Variants in SZT2 observed in about 807,000 individuals in gnomAD.
SZT2 encodes SZT2 subunit of KICSTOR complex.
A neutral mutation model predicts 404.2 loss-of-function variants in SZT2; 216 were observed. The ratio of observed to expected loss-of-function variants is 0.53; its 90% confidence interval spans 0.48 to 0.60. The LOEUF (loss-of-function observed/expected upper bound fraction) is 0.60. SZT2 is among the 20% of genes least tolerant of loss of function. The probability of loss-of-function intolerance (pLI) is 0.00; values close to 1 mark genes in which losing one functional copy is unlikely to be tolerated. For synonymous variants in SZT2, 1,693 were observed against 1,749.9 expected (o/e 0.97, Z 0.81); for missense variants, 3,857 against 4,459.2 (o/e 0.86, Z 3.85).
chr1:43,437,812 A>G lies in SZT2; in HGVS notation c.6418A>G (p.Met2140Val), dbSNP rs778529188. ...GTAGGGTCCTCGTTCTCCCTTAGAC[A>G]TGGTCTCTAGCCGCAGTTCAGATGC... is the stretch of plus-strand genomic sequence containing the variant. ...EASGPRSPLD[M>V]VSSRSSDAAR... Residue 2140 changes from methionine (M) to valine (V), a missense_variant, in exon 46 of 72, where the codon ATG (methionine) becomes GTG (valine). Met to Val is a conservative substitution (Grantham distance 21, BLOSUM62 1). Transcript: ENST00000634258. This position sits in a 1 kb window ranked among gnomAD's most constrained non-coding sequence, Gnocchi z 5.3. The G allele has an allele frequency of 1.2e-5, 19 of 1,613,944 alleles. No homozygotes were observed. The highest frequency in any genetic ancestry group is 2.2e-5 in the East Asian group (1 of 44,886).
intron 28 of SZT2, 134 bp downstream of exon 28, chr1:43,428,620 G>T: frequency 3.9e-6 from 5 of 1,286,856 alleles, no homozygotes; most frequent in Non-Finnish European, 5.2e-6. Context: ...CTTTGTCGCC[G>T]GCTCACGGAC....
rs147519875 is a variant in SZT2 at position 43,404,420 on chromosome 1, A to G, written c.368A>G (p.His123Arg). ...GAGATCTTGTTTGATGAAGTTTTCC[A>G]TGCCCTGTCCCGCTGCTTAGGCGGG... ...TGEILFDEVF[H>R]ALSRCLGGLL... Residue 123 changes from histidine (H) to arginine (R), a missense_variant, in exon 4 of 72, where the codon CAT becomes CGT. His to Arg is a conservative substitution (Grantham distance 29). Around this residue, in one of 7 missense-constraint regions of SZT2, gnomAD observed 536 missense variants for 637.4 expected, o/e 0.84. Coordinates refer to ENST00000634258, the MANE Select transcript of SZT2 (RefSeq NM_001365999.1). 3.4e-4 allele frequency: 542 copies of G among 1,613,818 alleles called. No homozygotes were observed. Among genetic ancestry groups the G allele is most frequent in the Non-Finnish European group, 4.1e-4 (480 of 1,179,958 alleles).
In SZT2 at chr1:43,431,455, A is replaced by G. The variant is rs1653866508; in HGVS notation, c.5025-5A>G. The G allele has an allele frequency of 9.9e-6, 16 of 1,613,978 alleles. No homozygotes were observed. Among genetic ancestry groups the G allele is most frequent in the African/African-American group, 1.3e-5 (1 of 74,882 alleles). ...AACCAATATCTAAACCTTTCTTCCA[A>G]TTAGGCACCCAGGACTATCCAATTT... On this transcript the variant is annotated splice_region_variant and splice_polypyrimidine_tract_variant and intron_variant, in intron 34 of 71. Coordinates refer to ENST00000634258, the MANE Select transcript of SZT2 (RefSeq NM_001365999.1).
At chr1:43,394,536 A>G (rs530068570) in intron 1 of SZT2, among the ~76,000 whole-genome samples, 1 of 152,374 alleles carries the variant, frequency 6.6e-6, no homozygotes, top group Admixed American at 6.5e-5. Context: ...TCTAGTTATG[A>G]TAAATTACAT....
chr1:43,432,714 C>T lies in SZT2; in HGVS notation c.5531-14C>T, dbSNP rs775936651. The T allele has an allele frequency of 1.9e-6, 3 of 1,613,900 alleles. No homozygotes were observed. Among genetic ancestry groups the T allele is most frequent in the Non-Finnish European group, 2.5e-6 (3 of 1,179,892 alleles). On this transcript the variant is annotated splice_polypyrimidine_tract_variant and intron_variant, in intron 38 of 71. Coordinates refer to ENST00000634258, the MANE Select transcript of SZT2 (RefSeq NM_001365999.1). ...GATTGAGAGAGGCTCCAGGCATTTTCCTTCTCTATCCAGGGAGTCAGCCTG... is the reference window on the plus strand; with the variant it reads ...GATTGAGAGAGGCTCCAGGCATTTTTCTTCTCTATCCAGGGAGTCAGCCTG...
chr1:43,426,294 AGCTGGT>A lies in SZT2; in HGVS notation c.3044-73_3044-68del, dbSNP rs1653135706. On this transcript the variant is annotated intron_variant, in intron 21 of 71. Coordinates refer to ENST00000634258, the MANE Select transcript of SZT2 (RefSeq NM_001365999.1). This position sits in a 1 kb window ranked among gnomAD's most constrained non-coding sequence, Gnocchi z 4.9. ...AGCCCATGAGGCTGAAGGAGGGGCC[AGCTGGT>A]CAGGGCTGAGCCGGGGGCACCGGGC... The A allele has an allele frequency of 3.3e-6, 5 of 1,502,284 alleles. No homozygotes were observed. In the Admixed American group the frequency reaches 1.0e-4, roughly 31 times the overall value. The allele number at this position is 1,502,284 out of a possible 1,614,324, so 93.1% of individuals were successfully genotyped here. A position where few individuals can be genotyped will look rare whatever the true frequency, so the allele number is the denominator to read the frequency against.
chr1:43,447,368 C>T (rs1364264251), intron 66 of SZT2, among the ~76,000 whole-genome samples, 177 bp from the exon 67 acceptor site: 1 of 152,220 alleles, frequency 6.6e-6, no homozygotes, highest in Non-Finnish European at 1.5e-5. Context: ...TGTCCCCTGC[C>T]CTCTGAGTCA....
At position 43,404,517 on chromosome 1, in the gene SZT2, C is replaced by T; in HGVS notation, c.465C>T (p.Ala155=). The T allele has an allele frequency of 6.2e-7, 1 of 1,613,818 alleles. No individual in the cohort carries two copies. The highest frequency in any genetic ancestry group is 8.5e-7 in the Non-Finnish European group (1 of 1,179,944). ...FQPEIYVTIQ[A]YSSIIGLQSH... Reference sequence around the variant, plus strand: ...CTGAGATCTATGTAACTATCCAGGCCTACTCCTCCATCATTGGACTGCAGT... The same window carrying T: ...CTGAGATCTATGTAACTATCCAGGCTTACTCCTCCATCATTGGACTGCAGT... The change falls in exon 4 of 72, where the codon GCC becomes GCT. Residue 155 remains alanine, a synonymous_variant. Transcript: ENST00000634258.
Position 43,439,522 on chromosome 1 carries a change from C to G in SZT2, c.6877+80C>G, listed in dbSNP as rs908648655. The G allele has an allele frequency of 8.7e-6, 14 of 1,600,864 alleles. No homozygotes were observed. The African/African-American group carries it at 1.9e-4, about 21-fold the overall frequency. ...CATCCTATTGCTAAGAGGACATTTC[C>G]CAGGCTTGCAGCTGAGTGGAGGGTC... On this transcript the variant is annotated intron_variant, in intron 49 of 71. Coordinates refer to ENST00000634258, the MANE Select transcript of SZT2 (RefSeq NM_001365999.1). This position sits in a 1 kb window ranked among gnomAD's most constrained non-coding sequence, Gnocchi z 4.2.
At chr1:43,409,542 AT>A in intron 4 of SZT2, 1 of 354,124 alleles carries the variant, frequency 2.8e-6, no homozygotes, top group South Asian at 2.3e-5. Context: ...CCAAAAAACT[AT>A]TAGAACTGAT....
chr1:43,446,520 C>A, intron 65 of SZT2, 104 bp downstream of exon 65: 1 of 1,409,378 alleles, frequency 7.1e-7, no homozygotes, highest in South Asian at 1.2e-5. Flanking sequence ...AGTAGGCGGG[C>A]TGGCCCAGTG....
chr1:43,419,535 G>A (rs1037127625), intron 7 of SZT2, among the ~76,000 whole-genome samples, 199 bp from the exon 8 acceptor site: 7 of 152,188 alleles, frequency 4.6e-5, no homozygotes, highest in Admixed American at 2.0e-4. Context: ...TGCTGTGGCC[G>A]GTTAGCATGG....
chr1:43,391,673 A>T (rs202040082), intron 1 of SZT2, among the ~76,000 whole-genome samples: 1 of 152,246 alleles, frequency 6.6e-6, no homozygotes, highest in Non-Finnish European at 1.5e-5. Flanking sequence ...AGGTGGAGGG[A>T]TGTTGTGGGG....
intron 1 of SZT2, among the ~76,000 whole-genome samples, chr1:43,394,334 G>A (rs111748776): frequency 0.01 from 1,514 of 150,896 alleles, 12 homozygotes; most frequent in Non-Finnish European, 0.018. Flanking sequence ...TCAGCCTCCT[G>A]AGTAGCTGGG....
chr1:43,423,065 G>A (rs765782244), intron 14 of SZT2, 34 bp from the exon 15 acceptor site: 2 of 1,552,938 alleles, frequency 1.3e-6, no homozygotes, highest in South Asian at 2.3e-5. Flanking sequence ...GTAGGAGATG[G>A]GAGTAAGAGG....
Position 43,430,001 on chromosome 1 carries a change from C to A in SZT2, c.4309-10C>A. On this transcript the variant is annotated splice_polypyrimidine_tract_variant and intron_variant, in intron 29 of 71. Coordinates refer to ENST00000634258, the MANE Select transcript of SZT2 (RefSeq NM_001365999.1). ...CTGACATTCTAACCTCCTTCTAAAC[C>A]CCACAACAGGAGAAGTTCCTAGAGA... is the stretch of plus-strand genomic sequence containing the variant. 1 of 1,614,070 alleles carries A rather than the reference C, an allele frequency of 6.2e-7. No homozygotes were observed.
rs762273685 is a variant in SZT2 at position 43,431,706 on chromosome 1, C to G, written c.5089-10C>G. On this transcript the variant is annotated splice_polypyrimidine_tract_variant and intron_variant, in intron 35 of 71. Transcript: ENST00000634258. ...GGAGATGCCCTTTGTCACTTGCTGTCTAACTGTAGATCCGCTGGTTGTTGG... is the reference window on the plus strand; with the variant it reads ...GGAGATGCCCTTTGTCACTTGCTGTGTAACTGTAGATCCGCTGGTTGTTGG... The G allele has an allele frequency of 1.2e-5, 19 of 1,613,710 alleles. No individual in the cohort carries two copies. In the South Asian group the frequency reaches 2.1e-4, roughly 18 times the overall value.
In SZT2 at chr1:43,403,215, G is replaced by A; in HGVS notation, c.66G>A (p.Lys22=). The A allele has an allele frequency of 2.5e-6, 4 of 1,614,162 alleles. No homozygotes were observed. Among genetic ancestry groups the A allele is most frequent in the Middle Eastern group, 1.7e-4 (1 of 6,058 alleles). Residue 22 remains lysine, a synonymous_variant, in exon 2 of 72, where the codon AAG becomes AAA. Transcript: ENST00000634258. ...GGCAGGTGTTCCTGTTAATGAAAAA[G>A]GATTATCGAATCTCCCGAAATGTTC... ...EAGQVFLLMK[K]DYRISRNVRL...
In SZT2 at chr1:43,437,421, G is replaced by A. The variant is rs1365757686; in HGVS notation, c.6203G>A (p.Arg2068His). 5.6e-6 allele frequency: 9 copies of A among 1,614,048 alleles called. No individual in the cohort carries two copies. The highest frequency in any genetic ancestry group is 7.6e-6 in the Non-Finnish European group (9 of 1,180,026). The change falls in exon 44 of 72, where the codon CGC becomes CAC. Residue 2068 changes from arginine (R) to histidine (H), a missense_variant. This residue lies in a region of SZT2 where 261 missense variants were observed against 372.9 expected (regional missense o/e 0.70). Coordinates refer to ENST00000634258, the MANE Select transcript of SZT2 (RefSeq NM_001365999.1). The surrounding 1 kb of genome is among the most constrained non-coding windows in gnomAD (Gnocchi z 5.3). ...ATTCCCCCAGCCATCCAGGCCCTGC[G>A]CTCTGTGCTCAATGCCTTCTCTGTG... Reference protein sequence around the residue: ...MGVSRAIQALRSVLNAFSVVN... With the variant: ...MGVSRAIQALHSVLNAFSVVN...
Sources: allele counts gnomAD v4.1 joint callset (sites outside exome capture counted in the v4.1 genomes callset), GRCh38; gene constraint gnomAD v4.1.1; regional missense constraint gnomAD v4.1.1; non-coding constraint Gnocchi (gnomAD v3.1); transcripts MANE v1.5; gene names NCBI Gene and HGNC (gene_info 2026-07-23, HGNC 2026-07-21).